The following TOP3B variants were observed in gnomAD, a reference collection of about 807,000 sequenced individuals.
TOP3B encodes the protein DNA topoisomerase 3-beta-1.
TOP3B carries 45 observed loss-of-function variants against 93.9 expected under a neutral mutation model. The ratio of observed to expected loss-of-function variants is 0.48; its 90% CI spans 0.38 to 0.61. The LOEUF is 0.61. Ranked by LOEUF, TOP3B falls within the 20% of genes least tolerant of loss-of-function variation. TOP3B has a pLI of 0.00. For synonymous variants in TOP3B, 357 were observed against 472.6 expected (o/e 0.76, Z 3.17); for missense variants, 750 against 1,156.1 (o/e 0.65, Z 5.09).
Position 21,972,549 on chromosome 22 carries a change from G to A in TOP3B, c.309+63C>T, listed in dbSNP as rs2071683114. The stretch of plus-strand genomic sequence containing the variant: ...TAGGACTCAAGCAAGGGTGGGCAAA[G>A]ACATGGCAGCTGTGGAGGGTGGGGA... On this transcript the variant is annotated intron_variant, in intron 4 of 17. Coordinates refer to ENST00000357179, the MANE Select transcript of TOP3B (RefSeq NM_001282112.2). 5.9e-5 allele frequency: 77 copies of A among 1,298,442 alleles called. No individual in the cohort carries two copies. In the South Asian group the frequency reaches 1.0e-3, roughly 17 times the overall value. 80.4% of individuals were successfully genotyped at this position (1,298,442 alleles called of 1,614,324 possible).
intron 8 of TOP3B, chr22:21,966,369 A>T (rs935158175): frequency 6.6e-6 from 1 of 152,238 alleles, no homozygotes; most frequent in African/African-American, 2.4e-5. Context: ...GAAATCCTAC[A>T]GAAGCCAGCA....
chr22:21,961,184 A>G (rs1432985190), intron 13 of TOP3B: 5 of 152,284 alleles, frequency 3.3e-5, no homozygotes, highest in African/African-American at 9.7e-5. Flanking sequence ...GGGGCTAAGG[A>G]GCCTGCCGAG....
In TOP3B at chr22:21,957,503, G is replaced by GCACCCCACTCTCACATTC; in HGVS notation, c.2199_2200insGAATGTGAGAGTGGGGTG (p.Glu728_Val733dup). ...GGGCCCGAGGTGGGGTCCAGCACCA[G>GCACCCCACTCTCACATTC]CACCCCGCTCTCACATTCCACGCAC... On this transcript the variant is annotated inframe_insertion, in exon 18 of 18. Transcript: ENST00000357179. The GCACCCCACTCTCACATTC allele has an allele frequency of 8.9e-7, 1 of 1,125,302 alleles. No homozygotes were observed. Among genetic ancestry groups the GCACCCCACTCTCACATTC allele is most frequent in the Non-Finnish European group, 1.3e-6 (1 of 772,672 alleles). 69.7% of individuals were successfully genotyped at this position (1,125,302 alleles called of 1,614,324 possible).
chr22:21,960,633 T>C (rs2071134416), intron 13 of TOP3B, 184 bp from the exon 14 acceptor site: 3 of 766,112 alleles, frequency 3.9e-6, no homozygotes, highest in Non-Finnish European at 6.2e-6. Context: ...ATGCATTTCA[T>C]GTTCTGCCTT....
intron 9 of TOP3B, chr22:21,964,626 C>T (rs1419756234): frequency 7.0e-6 from 3 of 429,252 alleles, no homozygotes; most frequent in Non-Finnish European, 1.3e-5. Context: ...TGACACATGG[C>T]CTTCAGAGCA....
rs1257819723 is a variant in TOP3B at position 21,965,272 on chromosome 22, T to C, written c.943+13A>G. The C allele has an allele frequency of 6.4e-7, 1 of 1,569,060 alleles. No homozygotes were observed. The highest frequency in any genetic ancestry group is 8.7e-7 in the Non-Finnish European group (1 of 1,155,340). On this transcript the variant is annotated intron_variant, in intron 9 of 17. Transcript: ENST00000357179. ...AAGCCTTCTGGTGACTTGAGAGAAA[T>C]GTCCCTACATACCCAGAGAAGAGCT...
chr22:21,961,118 C>T (rs1238024715), intron 13 of TOP3B: 2 of 152,698 alleles, frequency 1.3e-5, no homozygotes, highest in East Asian at 1.9e-4. Flanking sequence ...ACAGGTGACA[C>T]ACACCTTCCC....
rs896273853 is a variant in TOP3B, at chr22:21,967,920, C to A, written c.739-204G>T. The A allele has an allele frequency of 3.1e-5, 17 of 551,978 alleles. No individual in the cohort carries two copies. In the East Asian group the frequency reaches 5.3e-4, roughly 17 times the overall value. 34.2% of individuals were successfully genotyped at this position (551,978 alleles called of 1,614,324 possible). ...CTCCACCACTTGCCCCAAAACCAGG[C>A]AGCCAGTCTCAGGAAGGTGGCCCAA... is the stretch of plus-strand genomic sequence containing the variant. On this transcript the variant is annotated intron_variant, in intron 7 of 17. Coordinates refer to ENST00000357179, the MANE Select transcript of TOP3B (RefSeq NM_001282112.2).
intron 15 of TOP3B, 156 bp downstream of exon 15, chr22:21,959,431 T>C: frequency 6.7e-7 from 1 of 1,496,922 alleles, no homozygotes; most frequent in Non-Finnish European, 8.9e-7. Context: ...CACCTGCTCT[T>C]TCAACCCAGC....
intron 8 of TOP3B, 196 bp from the exon 9 acceptor site, chr22:21,965,571 T>C: frequency 2.6e-6 from 1 of 381,444 alleles, no homozygotes; most frequent in African/African-American, 2.1e-5. Flanking sequence ...AATTCTTTTT[T>C]AAAAAAAAAT....
chr22:21,968,709 C>G lies in TOP3B; in HGVS notation c.648G>C (p.Pro216=). The G allele has an allele frequency of 2.5e-6, 4 of 1,614,182 alleles. No homozygotes were observed. Among genetic ancestry groups the G allele is most frequent in the Non-Finnish European group, 2.5e-6 (3 of 1,180,026 alleles). Residue 216 remains proline (P), a synonymous_variant, in exon 7 of 18, where the codon CCG becomes CCC. Transcript: ENST00000357179. ...DLDSSLISFG[P]CQTPTLGFCV... is the part of the protein sequence containing the mutation. ...AGAATCCCAGGGTTGGAGTCTGACA[C>G]GGCCCAAAGGAGATGAGAGAGCTGT... is the stretch of plus-strand genomic sequence containing the variant.
intron 8 of TOP3B, 179 bp downstream of exon 8, chr22:21,967,424 C>T: frequency 4.9e-6 from 3 of 606,218 alleles, no homozygotes; most frequent in Non-Finnish European, 8.8e-6. Flanking sequence ...TTGCACTGGG[C>T]AGAAATATCT....
intron 13 of TOP3B, chr22:21,962,048 TTCCC>T: frequency 9.3e-7 from 1 of 1,079,142 alleles, no homozygotes; most frequent in Non-Finnish European, 1.2e-6. Flanking sequence ...GAGATCTCAT[TTCCC>T]TGTCACCTGA....
At chr22:21,978,833 T>G (rs1159249285) in intron 1 of TOP3B, among the ~76,000 whole-genome samples, 1 of 152,046 alleles carries the variant, frequency 6.6e-6, no homozygotes, top group East Asian at 1.9e-4. Context: ...TGGTGCACTG[T>G]CCCCTCTTGT....
At position 21,972,749 on chromosome 22, in the gene TOP3B, CAGG is replaced by C. The variant is rs771159727; in HGVS notation, c.203-34_203-32del. 2.4e-5 allele frequency: 37 copies of C among 1,569,636 alleles called. No individual in the cohort carries two copies. In the South Asian group the frequency reaches 3.9e-4, roughly 17 times the overall value. ...AACCAGTCACAGTGACATTGAGTCA[CAGG>C]AGCTCAGCCTCCGAGACCATCATAA... On this transcript the variant is annotated intron_variant, in intron 3 of 17. Transcript: ENST00000357179.
At position 21,971,131 on chromosome 22, in the gene TOP3B, C is replaced by A; in HGVS notation, c.385-725G>T. The A allele has an allele frequency of 1.8e-6, 2 of 1,107,826 alleles. No homozygotes were observed. Among genetic ancestry groups the A allele is most frequent in the Non-Finnish European group, 2.4e-6 (2 of 818,554 alleles). The allele number at this position is 1,107,826 out of a possible 1,614,324, so 68.6% of individuals were successfully genotyped here. ...AGATGCAAAGGCCCCCAGGGAGGAG[C>A]CGCCCTGCAGGGGAGGAGAGGGTAT... is the stretch of plus-strand genomic sequence containing the variant. On this transcript the variant is annotated intron_variant, in intron 5 of 17. Coordinates refer to ENST00000357179, the MANE Select transcript of TOP3B (RefSeq NM_001282112.2). This position sits in a 1 kb window ranked among gnomAD's most constrained non-coding sequence, Gnocchi z 4.6.
chr22:21,962,462 C>T lies in TOP3B; in HGVS notation c.1492G>A (p.Glu498Lys), dbSNP rs779209877. The T allele has an allele frequency of 3.8e-5, 61 of 1,613,582 alleles. No individual in the cohort carries two copies. The highest frequency in any genetic ancestry group is 6.7e-5 in the African/African-American group (5 of 74,930). The stretch of plus-strand genomic sequence containing the variant: ...TGCTTCTCCATGAGCGTGATGAGCT[C>T]GGCCTCCGTCAGGTAGTCGGGTGGG... ...TNPPDYLTEA[E>K]LITLMEKHGI... The change falls in exon 13 of 18, where the codon GAG (glutamate) becomes AAG (lysine). Residue 498 changes from glutamate to lysine, a missense_variant. Around this residue, in one of 4 missense-constraint regions of TOP3B, gnomAD observed 737 missense variants for 933.7 expected, o/e 0.79. Transcript: ENST00000357179.
chr22:21,958,130 C>T (rs239920), intron 17 of TOP3B: 207,650 of 1,251,644 alleles, frequency 0.17, 13,710 homozygotes, highest in African/African-American at 0.23. Flanking sequence ...GTAATGAGGA[C>T]GAGGATGAGG....
At chr22:21,981,136 T>C (rs559066933) in intron 1 of TOP3B, among the ~76,000 whole-genome samples, 1 of 152,334 alleles carries the variant, frequency 6.6e-6, no homozygotes, top group Middle Eastern at 3.4e-3. Flanking sequence ...TCCTAAAATG[T>C]TTCCTCAGAT....
Sources: gnomAD v4.1 joint callset for allele counts (sites outside exome capture counted in the v4.1 genomes callset) on GRCh38, gnomAD v4.1.1 for gene constraint, gnomAD v4.1.1 regional missense constraint, Gnocchi (gnomAD v3.1) non-coding constraint, MANE v1.5 for transcripts, NCBI Gene and HGNC (gene_info 2026-07-23, HGNC 2026-07-21) for gene names.